The following SEC31A variants were observed in gnomAD, a reference collection of about 807,000 sequenced individuals.
SEC31A encodes the protein protein transport protein Sec31A.
A neutral mutation model predicts 151.0 loss-of-function variants in SEC31A; 70 were observed. That is an observed-to-expected ratio of 0.46 (90% CI 0.38 to 0.57). The LOEUF (loss-of-function observed/expected upper bound fraction) is 0.57. SEC31A is among the 20% of genes least tolerant of loss of function. The pLI is 0.00. For missense variants in SEC31A, 1,330 were observed against 1,471.2 expected (o/e 0.90, Z 1.57); for synonymous variants, 475 against 505.9 (o/e 0.94, Z 0.82).
chr4:82,848,895 T>C lies in SEC31A; in HGVS notation c.2411A>G (p.Tyr804Cys). The change falls in exon 20 of 27, where the codon TAC becomes TGC. Residue 804 changes from tyrosine (Y) to cysteine (C), a missense_variant. Tyr to Cys is a radical substitution (Grantham distance 194). Transcript: ENST00000395310. ...VAGHESPKIP[Y>C]EKQQLPKGRP... is the part of the protein sequence containing the mutation. ...GCCCTTGGGGAGCTGCTGTTTCTCG[T>C]ACGGAATTTTAGGTGATTCATGTCC... 1 of 1,614,158 alleles carries C rather than the reference T, an allele frequency of 6.2e-7. No homozygotes were observed. The highest frequency in any genetic ancestry group is 8.5e-7 in the Non-Finnish European group (1 of 1,180,004).
At chr4:82,827,085 G>A (rs1042918648) in intron 24 of SEC31A, among the ~76,000 whole-genome samples, 2 of 152,104 alleles carry the variant, frequency 1.3e-5, no homozygotes, top group African/African-American at 4.8e-5. Flanking sequence ...GCAACCTCAC[G>A]CAGAGATGAT....
At chr4:82,900,423 C>G (rs1720268562) in exon 1 of SEC31A, 1 of 246,758 alleles carries the variant, frequency 4.1e-6, no homozygotes, top group Admixed American at 5.3e-5. Flanking sequence ...GGTCCTGCCT[C>G]TCTGCTTCGC....
At chr4:82,821,641 G>A (rs936740379) in intron 25 of SEC31A, among the ~76,000 whole-genome samples, 5 of 151,768 alleles carry the variant, frequency 3.3e-5, no homozygotes, top group African/African-American at 4.8e-5. Context: ...GGACTGGGAT[G>A]AGGAGAGGAT....
intron 3 of SEC31A, among the ~76,000 whole-genome samples, chr4:82,879,371 G>GAAAAA: frequency 7.0e-6 from 1 of 143,572 alleles, no homozygotes; most frequent in Non-Finnish European, 1.5e-5. Context: ...ACCTTTGTCT[G>GAAAAA]AAAAAAAAAA....
intron 22 of SEC31A, among the ~76,000 whole-genome samples, chr4:82,840,618 CGTGTGA>C (rs1728503590): frequency 6.6e-6 from 1 of 152,216 alleles, no homozygotes; most frequent in African/African-American, 2.4e-5. Flanking sequence ...ATTTCATCGT[CGTGTGA>C]ACATCACAGA....
At chr4:82,850,608 T>C (rs1036133405) in intron 19 of SEC31A, among the ~76,000 whole-genome samples, 1 of 152,178 alleles carries the variant, frequency 6.6e-6, no homozygotes, top group African/African-American at 2.4e-5. Flanking sequence ...AGGCTCAAAA[T>C]CAAGCTCCAT....
chr4:82,875,921 C>T (rs1737807606), intron 4 of SEC31A, 99 bp from the exon 5 acceptor site: 1 of 532,786 alleles, frequency 1.9e-6, no homozygotes, highest in African/African-American at 2.0e-5. Context: ...GTAGCATACA[C>T]AATTTTTCTA....
intron 14 of SEC31A, among the ~76,000 whole-genome samples, chr4:82,859,419 C>T (rs1419477118): frequency 1.3e-5 from 2 of 152,006 alleles, no homozygotes; most frequent in African/African-American, 4.8e-5. Context: ...CAAAATAAGA[C>T]AAAAATATAT....
chr4:82,876,282 G>C (rs1737941305), intron 4 of SEC31A, among the ~76,000 whole-genome samples: 1 of 151,928 alleles, frequency 6.6e-6, no homozygotes, highest in African/African-American at 2.4e-5. Flanking sequence ...GGCTAATTCT[G>C]TATTTTTAGT....
chr4:82,893,339 G>T (rs1453082786), upstream of SEC31A: 3 of 152,226 alleles, frequency 2.0e-5, no homozygotes, highest in Non-Finnish European at 4.4e-5. Context: ...AAAGTGCAAG[G>T]ATTATAGGCA....
At chr4:82,879,891 T>A (rs1738886532) in intron 3 of SEC31A, among the ~76,000 whole-genome samples, 1 of 152,192 alleles carries the variant, frequency 6.6e-6, no homozygotes, top group Admixed American at 6.5e-5. Flanking sequence ...TTTCTAAATA[T>A]CGTAACAGAA....
intron 1 of SEC31A, among the ~76,000 whole-genome samples, chr4:82,888,714 T>A (rs1314762301): frequency 4.6e-5 from 7 of 151,702 alleles, no homozygotes; most frequent in Admixed American, 3.9e-4. Context: ...AAAAAAAAAA[T>A]TTCTTGAGGA....
chr4:82,859,673 A>G lies in SEC31A; in HGVS notation c.1627-1909T>C, dbSNP rs1199470600. On this transcript the variant is annotated intron_variant, in intron 14 of 26. Coordinates refer to ENST00000395310, the MANE Select transcript of SEC31A (RefSeq NM_001077207.4). ...TAACCCTAATTCCCTTTCCCCAACT[A>G]AAGAGAAGCATTTGGAATTTAAAAA... 2.6e-5 allele frequency among the ~76,000 whole-genome samples: 4 copies of G among 152,222 alleles called. No homozygotes were observed. The South Asian group carries it at 6.2e-4, about 24-fold the overall frequency.
At chr4:82,891,408 A>G (rs1468322247), upstream of SEC31A, 1 of 586,930 alleles carries the variant, frequency 1.7e-6, no homozygotes, top group South Asian at 2.0e-5. Flanking sequence ...GGCGGCGCGC[A>G]GAATGTGGAT....
intron 18 of SEC31A, among the ~76,000 whole-genome samples, chr4:82,852,270 C>T (rs1731613763): frequency 6.6e-6 from 1 of 152,090 alleles, no homozygotes; most frequent in Non-Finnish European, 1.5e-5. Context: ...TATAAACTAC[C>T]CAGTCTTGGG....
intron 8 of SEC31A, among the ~76,000 whole-genome samples, chr4:82,868,151 C>T (rs891347226): frequency 2.0e-5 from 3 of 152,134 alleles, no homozygotes; most frequent in Non-Finnish European, 2.9e-5. Flanking sequence ...TAACAGAATT[C>T]GGCATTAACA....
At chr4:82,842,542 GA>G (rs1282703873) in intron 21 of SEC31A, 61 bp from the exon 22 acceptor site, 2 of 1,283,636 alleles carry the variant, frequency 1.6e-6, no homozygotes, top group Non-Finnish European at 1.1e-6. Flanking sequence ...GATAGTAGCA[GA>G]AAACTAAAAA....
At chr4:82,826,467 C>A (rs1724593925) in intron 24 of SEC31A, among the ~76,000 whole-genome samples, 1 of 152,216 alleles carries the variant, frequency 6.6e-6, no homozygotes, top group African/African-American at 2.4e-5. Flanking sequence ...AATTCTCCTG[C>A]CTCAGCCTCC....
chr4:82,853,510 T>C, intron 18 of SEC31A, 60 bp downstream of exon 18: 2 of 1,357,032 alleles, frequency 1.5e-6, no homozygotes, highest in Non-Finnish European at 2.0e-6. Context: ...TATAACTTGA[T>C]GATAAGTAGG....
Sources: allele counts gnomAD v4.1 joint callset (sites outside exome capture counted in the v4.1 genomes callset), GRCh38; gene constraint gnomAD v4.1.1; transcripts MANE v1.5; gene names NCBI Gene and HGNC (gene_info 2026-07-23, HGNC 2026-07-21).